The following CA10 variants were observed in gnomAD, a reference collection of about 807,000 sequenced individuals.
CA10 encodes carbonic anhydrase-related protein 10.
CA10 carries 14 observed loss-of-function variants against 44.2 expected under a neutral mutation model. The ratio of observed to expected loss-of-function variants is 0.32; its 90% confidence interval spans 0.21 to 0.50. CA10 has a LOEUF of 0.50. Among genes scored for constraint, CA10 ranks in the 20% least tolerant of loss-of-function variants. The pLI is 0.99. For missense variants in CA10, 350 were observed against 409.7 expected (o/e 0.85, Z 1.26); for synonymous variants, 159 against 141.6 (o/e 1.12, Z -0.87).
intron 2 of CA10, among the ~76,000 whole-genome samples, chr17:52,018,873 G>T (rs922501118): frequency 1.1e-4 from 8 of 71,536 alleles, no homozygotes; most frequent in South Asian, 8.5e-4. Context: ...TTTGGGTCAC[G>T]GGGGTAGATC....
chr17:51,771,763 G>A (rs1327872881), intron 3 of CA10, among the ~76,000 whole-genome samples: 1 of 152,188 alleles, frequency 6.6e-6, no homozygotes, highest in Non-Finnish European at 1.5e-5. Flanking sequence ...GGTTCTGAGT[G>A]GCAGAATGGG....
chr17:51,684,597 G>A (rs1470270737), intron 4 of CA10, among the ~76,000 whole-genome samples: 1 of 152,320 alleles, frequency 6.6e-6, no homozygotes, highest in East Asian at 1.9e-4. Flanking sequence ...GGGACTAAAA[G>A]AACATGTGGG....
chr17:52,088,168 A>G (rs751508292), intron 1 of CA10, among the ~76,000 whole-genome samples: 2 of 152,210 alleles, frequency 1.3e-5, no homozygotes, highest in Admixed American at 6.5e-5. Context: ...CTGTAAAACA[A>G]GCCCTCTTGA....
intron 4 of CA10, among the ~76,000 whole-genome samples, chr17:51,744,718 T>C (rs748642895): frequency 8.5e-5 from 13 of 152,182 alleles, no homozygotes; most frequent in Non-Finnish European, 1.3e-4. Flanking sequence ...TTAGAACACA[T>C]ATGCAGCTGA....
intron 3 of CA10, among the ~76,000 whole-genome samples, chr17:51,849,189 A>ATATACATATATGTGTG (rs1978650506): frequency 4.3e-5 from 3 of 69,914 alleles, no homozygotes; most frequent in South Asian, 5.1e-4. Flanking sequence ...ATATGTATAT[A>ATATACATATATGTGTG]TATATATACA....
chr17:52,132,690 A>G (rs529790547), intron 1 of CA10, among the ~76,000 whole-genome samples: 17 of 152,326 alleles, frequency 1.1e-4, no homozygotes, highest in African/African-American at 4.1e-4. Context: ...AAGTTAGCTT[A>G]TAGGCAGTTC....
At position 51,630,810 on chromosome 17, in the gene CA10, A is replaced by AACC. The variant is rs1374297372; in HGVS notation, c.*771_*773dup. ...ACACATTTATTGAGCTGGTAACAAT[A>AACC]ACCAAACACAATGTATGACCTTTGG... On this transcript the variant is annotated 3_prime_UTR_variant, in exon 9 of 9. Transcript: ENST00000451037. The AACC allele has an allele frequency of 6.6e-6, 1 of 152,666 alleles. No individual in the cohort carries two copies. Among genetic ancestry groups the AACC allele is most frequent in the Admixed American group, 6.5e-5 (1 of 15,286 alleles). 9.5% of individuals were successfully genotyped at this position (152,666 alleles called of 1,614,324 possible). A position where few individuals can be genotyped will look rare whatever the true frequency, so the allele number is the denominator to read the frequency against.
rs34072191 is a variant in CA10 at position 51,745,074 on chromosome 17, T to A, written c.465+2559A>T. Among the ~76,000 whole-genome samples, 732 of 152,288 alleles carry A rather than the reference T, an allele frequency of 4.8e-3. 8 individuals carry two copies. The highest frequency in any genetic ancestry group is 5.0e-3 in the Non-Finnish European group (343 of 68,032). On this transcript the variant is annotated intron_variant, in intron 4 of 8. Coordinates refer to ENST00000451037, the MANE Select transcript of CA10 (RefSeq NM_020178.5). ...GGATGTGTGTGTGTGACCACCCTAC[T>A]TGGGAAGCTGTTCTCCAAGTCTCAT...
At chr17:51,951,519 T>A (rs1407009419) in intron 2 of CA10, among the ~76,000 whole-genome samples, 1 of 152,160 alleles carries the variant, frequency 6.6e-6, no homozygotes, top group Non-Finnish European at 1.5e-5. Flanking sequence ...TCATCTTTGG[T>A]AACAACATCC....
At chr17:51,892,026 G>C (rs1026791083) in intron 3 of CA10, among the ~76,000 whole-genome samples, 1 of 152,242 alleles carries the variant, frequency 6.6e-6, no homozygotes, top group Non-Finnish European at 1.5e-5. Flanking sequence ...CTTTTGAGTA[G>C]CTAGTTCATG....
chr17:51,859,457 G>A (rs1979204097), intron 3 of CA10, among the ~76,000 whole-genome samples: 1 of 152,138 alleles, frequency 6.6e-6, no homozygotes. Flanking sequence ...CTTGGCTCAG[G>A]AGATCTGCCA....
At chr17:51,655,498 C>T (rs1567791107) in intron 4 of CA10, among the ~76,000 whole-genome samples, 1 of 152,204 alleles carries the variant, frequency 6.6e-6, no homozygotes, top group Non-Finnish European at 1.5e-5. Flanking sequence ...TTTCCTTGAA[C>T]TTTGAGAAAA....
intron 4 of CA10, among the ~76,000 whole-genome samples, chr17:51,709,276 CAATA>C (rs1915858609): frequency 6.6e-6 from 1 of 152,028 alleles, no homozygotes; most frequent in South Asian, 2.1e-4. Context: ...GTGGGGAAGA[CAATA>C]AATAAAAAAT....
At chr17:51,913,567 A>C (rs1981870863) in intron 3 of CA10, among the ~76,000 whole-genome samples, 1 of 152,128 alleles carries the variant, frequency 6.6e-6, no homozygotes, top group African/African-American at 2.4e-5. Flanking sequence ...GGAACAATTT[A>C]TTTGCTTTGG....
chr17:51,717,529 G>GTGTA lies in CA10; in HGVS notation c.465+30103_465+30104insTACA, dbSNP rs1259240238. ...AATCAACAAGTGGATAAAGAAACTG[G>GTGTA]TATATATATATATATATATATATAT... On this transcript the variant is annotated intron_variant, in intron 4 of 8. Transcript: ENST00000451037. Among the ~76,000 whole-genome samples, 60 of 50,176 alleles carry GTGTA rather than the reference G, an allele frequency of 1.2e-3. 1 individual carries two copies. The highest frequency in any genetic ancestry group is 3.7e-3 in the African/African-American group (60 of 16,356). 32.9% of individuals were successfully genotyped at this position (50,176 alleles called of 152,430 possible).
intron 3 of CA10, among the ~76,000 whole-genome samples, chr17:51,861,063 T>C (rs1319957698): frequency 6.6e-6 from 1 of 152,196 alleles, no homozygotes; most frequent in East Asian, 1.9e-4. Flanking sequence ...TTCTGTACTT[T>C]GCTTTGAGGT....
chr17:52,114,209 G>C (rs887142234), intron 1 of CA10, among the ~76,000 whole-genome samples: 1 of 152,124 alleles, frequency 6.6e-6, no homozygotes, highest in African/African-American at 2.4e-5. Flanking sequence ...TGGGGAAGAG[G>C]CTTATATCCA....
chr17:51,837,878 C>A (rs1978292391), intron 3 of CA10, among the ~76,000 whole-genome samples: 1 of 152,170 alleles, frequency 6.6e-6, no homozygotes, highest in Non-Finnish European at 1.5e-5. Context: ...AATATAACAT[C>A]TGCTCTTCAA....
At chr17:52,134,822 T>C (rs1503057) in intron 1 of CA10, 29,258 of 515,988 alleles carry the variant, frequency 0.057, 962 homozygotes, top group African/African-American at 0.11. Context: ...ACCATGGATG[T>C]CACTGCCATC....
Sources: allele counts gnomAD v4.1 joint callset (sites outside exome capture counted in the v4.1 genomes callset), GRCh38; gene constraint gnomAD v4.1.1; transcripts MANE v1.5; gene names NCBI Gene and HGNC (gene_info 2026-07-23, HGNC 2026-07-21).